CEP112: variants seen among roughly 807,000 people sequenced by gnomAD.
CEP112 encodes centrosomal protein of 112 kDa.
In CEP112, 127 loss-of-function variants were observed where a neutral mutation model predicts 153.0. That is an observed-to-expected ratio of 0.83 (90% CI 0.72 to 0.96). The LOEUF is 0.96. CEP112 is among the 40% of genes least tolerant of loss of function. The pLI, the probability that CEP112 is intolerant of heterozygous loss-of-function variation, is 0.00. For missense variants in CEP112, 1,089 were observed against 1,101.2 expected, an observed-to-expected ratio of 0.99 and a Z score of 0.16; for synonymous variants, 358 against 374.4, an observed-to-expected ratio of 0.96 and a Z score of 0.51.
chr17:66,110,260 A>C (rs1304183510), intron 6 of CEP112, among the ~76,000 whole-genome samples: 1 of 152,084 alleles, frequency 6.6e-6, no homozygotes, highest in East Asian at 1.9e-4. Context: ...TGAACCTGGG[A>C]GGCGGAGGAT....
intron 21 of CEP112, chr17:65,751,067 G>A (rs1469953020): frequency 4.7e-6 from 1 of 212,304 alleles, no homozygotes; most frequent in African/African-American, 2.3e-5. Flanking sequence ...AAGGAAAAGG[G>A]AGAGGGAAGT....
chr17:66,024,874 A>G (rs1173664626), intron 16 of CEP112, among the ~76,000 whole-genome samples: 1 of 152,080 alleles, frequency 6.6e-6, no homozygotes, highest in East Asian at 1.9e-4. Flanking sequence ...CTGGAAGCAT[A>G]ACATTATTTG....
chr17:66,040,817 G>T (rs1384816685), intron 12 of CEP112, among the ~76,000 whole-genome samples: 2 of 151,950 alleles, frequency 1.3e-5, no homozygotes. Context: ...GATACCTTTG[G>T]TGATCAAAAG....
At chr17:65,768,541 A>T (rs1465350436) in intron 21 of CEP112, among the ~76,000 whole-genome samples, 4 of 152,160 alleles carry the variant, frequency 2.6e-5, no homozygotes, top group African/African-American at 9.6e-5. Flanking sequence ...TCTGAAGAAC[A>T]TTGATGCAAA....
chr17:65,789,421 T>C (rs1460709053), intron 21 of CEP112, among the ~76,000 whole-genome samples: 2 of 152,212 alleles, frequency 1.3e-5, no homozygotes, highest in Non-Finnish European at 2.9e-5. Context: ...TCATATCACT[T>C]TGTAATTAAA....
At chr17:65,963,195 C>T (rs2062277391) in intron 17 of CEP112, among the ~76,000 whole-genome samples, 1 of 151,314 alleles carries the variant, frequency 6.6e-6, no homozygotes, top group Non-Finnish European at 1.5e-5. Flanking sequence ...ATTAACTTAG[C>T]TCACCTTCCC....
intron 12 of CEP112, among the ~76,000 whole-genome samples, chr17:66,041,354 C>A (rs1431684745): frequency 2.0e-5 from 3 of 150,874 alleles, no homozygotes; most frequent in Non-Finnish European, 4.4e-5. Flanking sequence ...TTAAAAAACA[C>A]CTTTAAGCAA....
At chr17:65,872,725 T>G (rs960683621) in intron 20 of CEP112, among the ~76,000 whole-genome samples, 1 of 152,234 alleles carries the variant, frequency 6.6e-6, no homozygotes, top group African/African-American at 2.4e-5. Flanking sequence ...GCTTAACATT[T>G]TAAAATAGCT....
intron 12 of CEP112, among the ~76,000 whole-genome samples, chr17:66,047,864 T>C (rs965816439): frequency 1.3e-5 from 2 of 152,156 alleles, no homozygotes; most frequent in Admixed American, 1.3e-4. Flanking sequence ...TGTACAATCA[T>C]CCCTTGCCAT....
intron 19 of CEP112, among the ~76,000 whole-genome samples, chr17:65,913,046 A>T (rs1416125016): frequency 6.6e-6 from 1 of 152,216 alleles, no homozygotes; most frequent in Non-Finnish European, 1.5e-5. Context: ...GATGCATACT[A>T]AGAAACAGGC....
At chr17:65,970,827 G>A (rs1284600802) in intron 17 of CEP112, among the ~76,000 whole-genome samples, 1 of 152,238 alleles carries the variant, frequency 6.6e-6, no homozygotes, top group Non-Finnish European at 1.5e-5. Context: ...TATATTGCAT[G>A]CATGCACATT....
At chr17:66,074,684 G>A (rs1192119993) in intron 8 of CEP112, among the ~76,000 whole-genome samples, 1 of 151,948 alleles carries the variant, frequency 6.6e-6, no homozygotes, top group African/African-American at 2.4e-5. Context: ...CCAACATGGT[G>A]AAACCCCGTC....
intron 17 of CEP112, among the ~76,000 whole-genome samples, chr17:65,980,274 CT>C (rs2063182207): frequency 6.6e-6 from 1 of 152,110 alleles, no homozygotes; most frequent in African/African-American, 2.4e-5. Context: ...AGGATTCAGG[CT>C]TTAACAGTAA....
chr17:66,142,952 T>C (rs2070772331), intron 4 of CEP112, among the ~76,000 whole-genome samples: 1 of 152,212 alleles, frequency 6.6e-6, no homozygotes, highest in Non-Finnish European at 1.5e-5. Flanking sequence ...ATTTTAACAA[T>C]ATTAATTCTT....
chr17:66,029,017 A>G (rs1310030349), intron 14 of CEP112, 106 bp downstream of exon 14: 3 of 874,346 alleles, frequency 3.4e-6, no homozygotes, highest in Non-Finnish European at 5.2e-6. Flanking sequence ...AATAAAGTGA[A>G]AGAGAGATTA....
intron 23 of CEP112, among the ~76,000 whole-genome samples, chr17:65,708,974 T>C (rs1206525539): frequency 6.6e-6 from 1 of 152,176 alleles, no homozygotes; most frequent in East Asian, 1.9e-4. Flanking sequence ...TTATATTCTG[T>C]TCTCCTCTGG....
intron 21 of CEP112, among the ~76,000 whole-genome samples, chr17:65,778,525 A>G (rs11658709): frequency 0.21 from 31,217 of 152,120 alleles, 3,314 homozygotes; most frequent in South Asian, 0.28. Flanking sequence ...ATAGGTTATT[A>G]ACACAGCTCG....
chr17:65,755,839 A>G (rs972205672), intron 21 of CEP112, among the ~76,000 whole-genome samples: 5 of 152,156 alleles, frequency 3.3e-5, no homozygotes, highest in Admixed American at 6.5e-5. Context: ...GGAGATGCCT[A>G]TTAAATGTGC....
chr17:65,969,172 C>T (rs1328612736), intron 17 of CEP112, among the ~76,000 whole-genome samples: 1 of 150,970 alleles, frequency 6.6e-6, no homozygotes, highest in Non-Finnish European at 1.5e-5. Context: ...ACCTCTGCCT[C>T]CTGGGTTCAA....
Sources: gnomAD v4.1 joint callset for allele counts (sites outside exome capture counted in the v4.1 genomes callset) on GRCh38, gnomAD v4.1.1 for gene constraint, MANE v1.5 for transcripts, NCBI Gene and HGNC (gene_info 2026-07-23, HGNC 2026-07-21) for gene names.